Variants in NET1 observed in about 807,000 individuals in gnomAD.
NET1 encodes the protein neuroepithelial cell transforming 1.
In NET1, 42 loss-of-function variants were observed where a neutral mutation model predicts 61.1. The observed-to-expected ratio is 0.69, with a 90% CI of 0.54 to 0.89. The LOEUF (loss-of-function observed/expected upper bound fraction) is 0.89, where lower values mean the gene tolerates loss of function less well. NET1 is among the 40% of genes least tolerant of loss of function. NET1 has a pLI of 0.00. For missense variants in NET1, 654 were observed against 747.3 expected (o/e 0.88, Z 1.46); for synonymous variants, 254 against 281.8 (o/e 0.90, Z 0.99).
rs7090012 is a variant in NET1, at chr10:5,446,617, C to T, written c.256-5213C>T. The T allele has an allele frequency of 3.2e-6, 4 of 1,252,920 alleles. No homozygotes were observed. The highest frequency in any genetic ancestry group is 4.0e-6 in the Non-Finnish European group (4 of 995,262). 77.6% of individuals were successfully genotyped at this position (1,252,920 alleles called of 1,614,324 possible). A position where few individuals can be genotyped will look rare whatever the true frequency, so the allele number is the denominator to read the frequency against. On this transcript the variant is annotated intron_variant, in intron 3 of 11. Coordinates refer to ENST00000355029, the MANE Select transcript of NET1 (RefSeq NM_001047160.3). The surrounding 1 kb of genome is among the most constrained non-coding windows in gnomAD (Gnocchi z 5.0). ...TGCTGCCTGCGGCTCTCAGAAGCCT[C>T]TGCTCCACCGCGGCGAGAGGCATGG...
Position 5,412,959 on chromosome 10 carries a change from G to C in NET1, c.128+139G>C, listed in dbSNP as rs1832023405. The stretch of plus-strand genomic sequence containing the variant: ...GAGTTGGATGTGGGGGGCGGCGAGT[G>C]GGGGTGTTGGTGAGGGCCAGGGGGA... On this transcript the variant is annotated intron_variant, in intron 1 of 11. Coordinates refer to ENST00000355029, the MANE Select transcript of NET1 (RefSeq NM_001047160.3). The surrounding 1 kb of genome is among the most constrained non-coding windows in gnomAD (Gnocchi z 6.5). The C allele has an allele frequency of 1.5e-6, 1 of 653,544 alleles. No homozygotes were observed. The highest frequency in any genetic ancestry group is 2.0e-6 in the Non-Finnish European group (1 of 493,430). 40.5% of individuals were successfully genotyped at this position (653,544 alleles called of 1,614,324 possible). A position where few individuals can be genotyped will look rare whatever the true frequency, so the allele number is the denominator to read the frequency against.
Position 5,424,483 on chromosome 10 carries a change from T to A in NET1, c.129-2172T>A. Among the ~76,000 whole-genome samples the A allele has an allele frequency of 6.6e-6, 1 of 152,216 alleles. No individual in the cohort carries two copies. The highest frequency in any genetic ancestry group is 1.9e-4 in the East Asian group (1 of 5,188). ...TATAATTTATTTCAGATGACTTTTTTTGTTTAAATACTTTGTTCCAGGGTT... is the reference window on the plus strand; with the variant it reads ...TATAATTTATTTCAGATGACTTTTTATGTTTAAATACTTTGTTCCAGGGTT... On this transcript the variant is annotated intron_variant, in intron 1 of 11. Coordinates refer to ENST00000355029, the MANE Select transcript of NET1 (RefSeq NM_001047160.3). The surrounding 1 kb of genome is among the most constrained non-coding windows in gnomAD (Gnocchi z 6.1).
At position 5,426,660 on chromosome 10, in the gene NET1, C is replaced by T. The variant is rs1407838605; in HGVS notation, c.134C>T (p.Ser45Phe). 1 of 1,605,278 alleles carries T rather than the reference C, an allele frequency of 6.2e-7. No individual in the cohort carries two copies. The highest frequency in any genetic ancestry group is 1.3e-5 in the African/African-American group (1 of 74,458). Residue 45 changes from serine (S) to phenylalanine (F), a missense_variant, in exon 2 of 12, where the codon TCC (serine) becomes TTC (phenylalanine). By Grantham distance (155) the Ser-to-Phe change is radical. Transcript: ENST00000355029. This position sits in a 1 kb window ranked among gnomAD's most constrained non-coding sequence, Gnocchi z 4.6. ...TSGSELDGRCSLRRGSSFTFL... is the reference protein window; with the variant it reads ...TSGSELDGRCFLRRGSSFTFL... ...TTTGAATTTTCCATTAATAGATGTT[C>T]CCTTCGGAGAGGCAGCTCCTTCACA...
At position 5,415,407 on chromosome 10, in the gene NET1, T is replaced by C. The variant is rs1223338713; in HGVS notation, c.128+2587T>C. 1.3e-5 allele frequency among the ~76,000 whole-genome samples: 2 copies of C among 151,590 alleles called. No individual in the cohort carries two copies. Among genetic ancestry groups the C allele is most frequent in the African/African-American group, 4.8e-5 (2 of 41,292 alleles). On this transcript the variant is annotated intron_variant, in intron 1 of 11. Transcript: ENST00000355029. The surrounding 1 kb of genome is among the most constrained non-coding windows in gnomAD (Gnocchi z 4.7). The stretch of plus-strand genomic sequence containing the variant: ...TGCATATGAATGGATTTATGTAATG[T>C]GTGTGGCCATTTTTGGTGGGCCATC...
intron 3 of NET1, among the ~76,000 whole-genome samples, chr10:5,433,856 A>G (rs1832384970): frequency 6.6e-6 from 1 of 151,378 alleles, no homozygotes; most frequent in South Asian, 2.1e-4. Context: ...TTATCTTTTT[A>G]TTTTTAAAGC....
At position 5,449,825 on chromosome 10, in the gene NET1, G is replaced by A. The variant is rs1832676232; in HGVS notation, c.256-2005G>A. ...AAGCACCTTTCCAAAGACCTTTTAA[G>A]TTGAAATTAAATATTATATTTTCTG... On this transcript the variant is annotated intron_variant, in intron 3 of 11. Coordinates refer to ENST00000355029, the MANE Select transcript of NET1 (RefSeq NM_001047160.3). This position sits in a 1 kb window ranked among gnomAD's most constrained non-coding sequence, Gnocchi z 4.4. 6.6e-6 allele frequency among the ~76,000 whole-genome samples: 1 copy of A among 152,124 alleles called. No homozygotes were observed. The highest frequency in any genetic ancestry group is 6.5e-5 in the Admixed American group (1 of 15,276).
chr10:5,456,522 C>T lies in NET1; in HGVS notation c.1385-66C>T, dbSNP rs1056486188. Reference sequence around the variant, plus strand: ...TGACAGTCACGTTAAGATTGTATGACCACTTTGTCTAGAATAAACCTTTTT... The same window carrying T: ...TGACAGTCACGTTAAGATTGTATGATCACTTTGTCTAGAATAAACCTTTTT... On this transcript the variant is annotated intron_variant, in intron 11 of 11. Coordinates refer to ENST00000355029, the MANE Select transcript of NET1 (RefSeq NM_001047160.3). This position sits in a 1 kb window ranked among gnomAD's most constrained non-coding sequence, Gnocchi z 7.0. 1 of 1,429,892 alleles carries T rather than the reference C, an allele frequency of 7.0e-7. No individual in the cohort carries two copies. The highest frequency in any genetic ancestry group is 1.4e-5 in the African/African-American group (1 of 69,820). The allele number at this position is 1,429,892 out of a possible 1,614,324, so 88.6% of individuals were successfully genotyped here.
rs1165143144 is a variant in NET1 at position 5,412,729 on chromosome 10, C to G, written c.37C>G (p.Pro13Ala). The change falls in exon 1 of 12, where the codon CCG (proline) becomes GCG (alanine). Residue 13 changes from proline (P) to alanine (A), a missense_variant. Physicochemically the swap from Pro to Ala is conservative, Grantham distance 27 (BLOSUM62 -1). Transcript: ENST00000355029. The surrounding 1 kb of genome is among the most constrained non-coding windows in gnomAD (Gnocchi z 6.5). ...PELAAQKQPRPRRRSRRASGL... is the reference protein window; with the variant it reads ...PELAAQKQPRARRRSRRASGL... ...GCTGGCGGCTCAGAAGCAGCCTCGA[C>G]CGCGGAGGCGAAGCCGCCGGGCCTC... is the stretch of plus-strand genomic sequence containing the variant. The G allele has an allele frequency of 6.8e-7, 1 of 1,480,396 alleles. No individual in the cohort carries two copies. Among genetic ancestry groups the G allele is most frequent in the Non-Finnish European group, 8.9e-7 (1 of 1,123,590 alleles). 91.7% of individuals were successfully genotyped at this position (1,480,396 alleles called of 1,614,324 possible).
In NET1 at chr10:5,412,849, G is replaced by A; in HGVS notation, c.128+29G>A. The A allele has an allele frequency of 7.5e-7, 1 of 1,339,968 alleles. No homozygotes were observed. The highest frequency in any genetic ancestry group is 9.6e-7 in the Non-Finnish European group (1 of 1,038,418). 83.0% of individuals were successfully genotyped at this position (1,339,968 alleles called of 1,614,324 possible). On this transcript the variant is annotated intron_variant, in intron 1 of 11. Coordinates refer to ENST00000355029, the MANE Select transcript of NET1 (RefSeq NM_001047160.3). The surrounding 1 kb of genome is among the most constrained non-coding windows in gnomAD (Gnocchi z 6.5). ...AGTGTGGGGGAGGGGAGGGCCGAAC[G>A]GGAGGTGAGTGTAGGGGAGCGGAGG...
Position 5,424,196 on chromosome 10 carries a change from A to T in NET1, c.129-2459A>T, listed in dbSNP as rs1404922566. On this transcript the variant is annotated intron_variant, in intron 1 of 11. Coordinates refer to ENST00000355029, the MANE Select transcript of NET1 (RefSeq NM_001047160.3). The surrounding 1 kb of genome is among the most constrained non-coding windows in gnomAD (Gnocchi z 6.1). ...ATTTACTGAATATTTTAAGTGCCAC[A>T]GTTAATGCCACTTTGTAATGTAGAT... Among the ~76,000 whole-genome samples, 1 of 152,230 alleles carries T rather than the reference A, an allele frequency of 6.6e-6. No individual in the cohort carries two copies. The highest frequency in any genetic ancestry group is 6.5e-5 in the Admixed American group (1 of 15,280).
At chr10:5,436,212 G>GCATATATA (rs1235515365) in intron 3 of NET1, among the ~76,000 whole-genome samples, 5 of 76,004 alleles carry the variant, frequency 6.6e-5, no homozygotes, top group Non-Finnish European at 7.5e-5. Flanking sequence ...GTGTGTGTGT[G>GCATATATA]TGTGTGTGTG....
chr10:5,424,066 A>G lies in NET1; in HGVS notation c.129-2589A>G, dbSNP rs1832221831. Among the ~76,000 whole-genome samples the G allele has an allele frequency of 6.6e-6, 1 of 152,210 alleles. No homozygotes were observed. The highest frequency in any genetic ancestry group is 2.4e-5 in the African/African-American group (1 of 41,448). Reference sequence around the variant, plus strand: ...AGAACCATTTTTCTTTCCAGCTTTTAGATGCCAAATGCATTCTGAGGTTAG... The same window carrying G: ...AGAACCATTTTTCTTTCCAGCTTTTGGATGCCAAATGCATTCTGAGGTTAG... On this transcript the variant is annotated intron_variant, in intron 1 of 11. Coordinates refer to ENST00000355029, the MANE Select transcript of NET1 (RefSeq NM_001047160.3). This position sits in a 1 kb window ranked among gnomAD's most constrained non-coding sequence, Gnocchi z 6.1.
chr10:5,428,158 C>T (rs1832290812), intron 2 of NET1, among the ~76,000 whole-genome samples: 2 of 149,014 alleles, frequency 1.3e-5, no homozygotes, highest in African/African-American at 5.0e-5. Context: ...GGAACCCTAA[C>T]TAGTCACTTT....
chr10:5,419,691 GTT>G (rs71388429), intron 1 of NET1, among the ~76,000 whole-genome samples: 430 of 152,050 alleles, frequency 2.8e-3, no homozygotes, highest in Non-Finnish European at 5.2e-3. Flanking sequence ...TTCTCTGTTT[GTT>G]TTTTTTCTTT....
At position 5,426,600 on chromosome 10, in the gene NET1, C is replaced by A; in HGVS notation, c.129-55C>A. On this transcript the variant is annotated intron_variant, in intron 1 of 11. Transcript: ENST00000355029. This position sits in a 1 kb window ranked among gnomAD's most constrained non-coding sequence, Gnocchi z 4.6. ...AGTATAGCTTTTTATCTGTTTGATG[C>A]TCTATTATGCTAAAGTCAATCTCTT... 2 of 1,341,282 alleles carry A rather than the reference C, an allele frequency of 1.5e-6. No homozygotes were observed. Among genetic ancestry groups the A allele is most frequent in the Non-Finnish European group, 2.1e-6 (2 of 948,744 alleles). The allele number at this position is 1,341,282 out of a possible 1,614,324, so 83.1% of individuals were successfully genotyped here.
intron 2 of NET1, among the ~76,000 whole-genome samples, 156 bp from the exon 3 acceptor site, chr10:5,429,014 G>A (rs968860075): frequency 1.3e-5 from 2 of 151,790 alleles, no homozygotes; most frequent in Non-Finnish European, 2.9e-5. Flanking sequence ...AATTACAGAC[G>A]TGAGCCACCG....
rs1206177285 is a variant in NET1 at position 5,452,531 on chromosome 10, C to T, written c.531+6C>T. 5 of 1,607,352 alleles carry T rather than the reference C, an allele frequency of 3.1e-6. No homozygotes were observed. In the African/African-American group the frequency reaches 6.7e-5, roughly 22 times the overall value. On this transcript the variant is annotated splice_donor_region_variant and intron_variant, in intron 5 of 11. Coordinates refer to ENST00000355029, the MANE Select transcript of NET1 (RefSeq NM_001047160.3). The surrounding 1 kb of genome is among the most constrained non-coding windows in gnomAD (Gnocchi z 4.0). ...GGGAGATCAGACGGCAGGAGGTATG[C>T]TGGCACTCAGTGTACATGTTTTCCC...
In NET1 at chr10:5,441,848, G is replaced by A. The variant is rs981504777; in HGVS notation, c.256-9982G>A. 6.6e-6 allele frequency among the ~76,000 whole-genome samples: 1 copy of A among 151,888 alleles called. No individual in the cohort carries two copies. Among genetic ancestry groups the A allele is most frequent in the Non-Finnish European group, 1.5e-5 (1 of 67,976 alleles). On this transcript the variant is annotated intron_variant, in intron 3 of 11. Transcript: ENST00000355029. This position sits in a 1 kb window ranked among gnomAD's most constrained non-coding sequence, Gnocchi z 4.6. ...TATTACTAGATATTTTGGAACTATG[G>A]TTTTTCAAAAGTTCCACTTTTCAAT...
At position 5,435,548 on chromosome 10, in the gene NET1, G is replaced by T. The variant is rs1332867983; in HGVS notation, c.255+6319G>T. Reference sequence around the variant, plus strand: ...AGATAGATAGACAGACAGACAGATAGATAGATAGATAGATAAAATAGATAC... The same window carrying T: ...AGATAGATAGACAGACAGACAGATATATAGATAGATAGATAAAATAGATAC... On this transcript the variant is annotated intron_variant, in intron 3 of 11. Coordinates refer to ENST00000355029, the MANE Select transcript of NET1 (RefSeq NM_001047160.3). This position sits in a 1 kb window ranked among gnomAD's most constrained non-coding sequence, Gnocchi z 5.0. 1.9e-5 allele frequency among the ~76,000 whole-genome samples: 1 copy of T among 52,482 alleles called. No individual in the cohort carries two copies. Among genetic ancestry groups the T allele is most frequent in the African/African-American group, 5.4e-5 (1 of 18,456 alleles). The allele number at this position is 52,482 out of a possible 152,430, so 34.4% of individuals were successfully genotyped here. A position where few individuals can be genotyped will look rare whatever the true frequency, so the allele number is the denominator to read the frequency against.
Sources: gnomAD v4.1 joint callset for allele counts (sites outside exome capture counted in the v4.1 genomes callset) on GRCh38, gnomAD v4.1.1 for gene constraint, Gnocchi (gnomAD v3.1) non-coding constraint, MANE v1.5 for transcripts, NCBI Gene and HGNC (gene_info 2026-07-23, HGNC 2026-07-21) for gene names.